Variants in ZNF821 observed in about 807,000 individuals in gnomAD.
ZNF821 encodes the protein zinc finger protein 821.
A neutral mutation model predicts 44.3 loss-of-function variants in ZNF821; 16 were observed. The ratio of observed to expected loss-of-function variants is 0.36; its 90% CI spans 0.24 to 0.55. ZNF821 has a LOEUF of 0.55. ZNF821 is among the 20% of genes least tolerant of loss of function. ZNF821 has a pLI of 0.86. For missense variants in ZNF821, 436 were observed against 547.6 expected (o/e 0.80, Z 2.03); for synonymous variants, 204 against 197.6 (o/e 1.03, Z -0.27).
intron 2 of ZNF821, 42 bp from the exon 3 acceptor site, chr16:71,880,065 C>T: frequency 2.2e-6 from 2 of 895,372 alleles, no homozygotes; most frequent in East Asian, 2.8e-5. Flanking sequence ...TCATTTTCCC[C>T]AGCAGTTACA....
chr16:71,876,612 T>C (rs2035848193), intron 3 of ZNF821, among the ~76,000 whole-genome samples: 1 of 152,106 alleles, frequency 6.6e-6, no homozygotes, highest in Non-Finnish European at 1.5e-5. Context: ...CTTTTTTTGT[T>C]TTTGGAGACA....
chr16:71,863,719 A>G (rs1486258973), intron 6 of ZNF821, among the ~76,000 whole-genome samples: 1 of 150,922 alleles, frequency 6.6e-6, no homozygotes, highest in African/African-American at 2.4e-5. Context: ...TCTTTTTGAG[A>G]CAGAGTCTAA....
intron 2 of ZNF821, among the ~76,000 whole-genome samples, chr16:71,881,070 A>G (rs938281514): frequency 1.3e-5 from 2 of 152,208 alleles, no homozygotes; most frequent in Non-Finnish European, 2.9e-5. Context: ...CTTTCCTACC[A>G]AAGACAGGAA....
At position 71,860,515 on chromosome 16, in the gene ZNF821, G is replaced by T. The variant is rs2033724827; in HGVS notation, c.742C>A (p.Leu248Met). The T allele has an allele frequency of 6.8e-6, 11 of 1,614,160 alleles. No homozygotes were observed. The highest frequency in any genetic ancestry group is 9.3e-6 in the Non-Finnish European group (11 of 1,180,024). The part of the protein sequence containing the change: ...CNNCAAYRKL[L>M]EAQTPSVRKW... The stretch of plus-strand genomic sequence containing the variant: ...CGTACACTGGGAGTCTGGGCTTCCA[G>T]CAGTTTACGGTAGGCAGCACAGTTG... Residue 248 changes from leucine to methionine, a missense_variant, in exon 8 of 8, where the codon CTG becomes ATG. Around this residue, in one of 5 missense-constraint regions of ZNF821, gnomAD observed 68 missense variants for 57.0 expected, o/e 1.19. Coordinates refer to ENST00000425432, the MANE Select transcript of ZNF821 (RefSeq NM_001201552.2). This position sits in a 1 kb window ranked among gnomAD's most constrained non-coding sequence, Gnocchi z 7.3.
intron 3 of ZNF821, among the ~76,000 whole-genome samples, chr16:71,877,261 GTTTT>G (rs1467477444): frequency 6.6e-6 from 1 of 151,828 alleles, no homozygotes; most frequent in Non-Finnish European, 1.5e-5. Flanking sequence ...TAGTTTTTTG[GTTTT>G]TGTTTGTTTG....
At chr16:71,893,508 G>A (rs35989134) in intron 1 of ZNF821, among the ~76,000 whole-genome samples, 12,345 of 150,970 alleles carry the variant, frequency 0.082, 691 homozygotes, top group Middle Eastern at 0.14. Context: ...TGCCCAGGCT[G>A]GAGTGCAGTG....
chr16:71,894,734 C>G (rs2036928927), intron 1 of ZNF821: 5 of 566,404 alleles, frequency 8.8e-6, no homozygotes, highest in Non-Finnish European at 1.5e-5. Flanking sequence ...TGCGGTTTCA[C>G]TATGGTGTCC....
intron 3 of ZNF821, among the ~76,000 whole-genome samples, chr16:71,876,984 A>T (rs956756702): frequency 6.6e-6 from 1 of 152,036 alleles, no homozygotes; most frequent in Non-Finnish European, 1.5e-5. Context: ...GCAATTTCTA[A>T]ATCTTCCCTA....
At chr16:71,877,310 G>C (rs372082871) in intron 3 of ZNF821, among the ~76,000 whole-genome samples, 11 of 152,216 alleles carry the variant, frequency 7.2e-5, no homozygotes, top group African/African-American at 2.6e-4. Context: ...ACCCAGACTG[G>C]AGTGCAGTGG....
At chr16:71,872,902 C>T (rs1337782847) in intron 3 of ZNF821, among the ~76,000 whole-genome samples, 2 of 152,228 alleles carry the variant, frequency 1.3e-5, no homozygotes, top group Non-Finnish European at 2.9e-5. Flanking sequence ...GTTTTACAAT[C>T]TGAAAGCAAA....
At chr16:71,866,359 T>C (rs923755086) in intron 4 of ZNF821, among the ~76,000 whole-genome samples, 2 of 152,218 alleles carry the variant, frequency 1.3e-5, no homozygotes, top group South Asian at 4.1e-4. Flanking sequence ...TGTGTCCTTA[T>C]TAGATAAATA....
At chr16:71,888,194 T>C (rs553537103), upstream of ZNF821, among the ~76,000 whole-genome samples, 1 of 152,324 alleles carries the variant, frequency 6.6e-6, no homozygotes, top group East Asian at 1.9e-4. Context: ...TATTTTTATT[T>C]ATTTGGTATC....
intron 6 of ZNF821, among the ~76,000 whole-genome samples, chr16:71,863,355 A>G (rs1005562125): frequency 2.0e-5 from 3 of 150,750 alleles, no homozygotes; most frequent in African/African-American, 7.3e-5. Context: ...TTTATCTAAT[A>G]TATCTCATTT....
chr16:71,894,913 G>T, exon 1 of ZNF821: 5 of 1,234,002 alleles, frequency 4.1e-6, no homozygotes, highest in Non-Finnish European at 5.7e-6. Flanking sequence ...GAAATCGCCA[G>T]AGACTGTGGT....
At chr16:71,875,917 C>G (rs182384161) in intron 3 of ZNF821, among the ~76,000 whole-genome samples, 1 of 152,292 alleles carries the variant, frequency 6.6e-6, no homozygotes, top group African/African-American at 2.4e-5. Context: ...TTTTTCAACT[C>G]CATTAATAGC....
At chr16:71,889,041 T>C (rs118034653), upstream of ZNF821, among the ~76,000 whole-genome samples, 17,571 of 152,166 alleles carry the variant, frequency 0.12, 1,263 homozygotes, top group Non-Finnish European at 0.15. Flanking sequence ...GGCCAGGAGT[T>C]TGAGACCAGT....
intron 3 of ZNF821, among the ~76,000 whole-genome samples, chr16:71,871,117 G>A (rs1233999347): frequency 6.6e-6 from 1 of 152,138 alleles, no homozygotes; most frequent in Non-Finnish European, 1.5e-5. Flanking sequence ...TATTGATGTT[G>A]TCTAAATATT....
Position 71,860,133 on chromosome 16 carries a change from G to GC in ZNF821, c.1123dup (p.Ala375GlyfsTer6). On this transcript the variant is annotated frameshift_variant, in exon 8 of 8. Transcript: ENST00000425432. LOFTEE classifies it high-confidence loss of function. This position sits in a 1 kb window ranked among gnomAD's most constrained non-coding sequence, Gnocchi z 7.3. ...GAAGTTCATTTCAGCTGCTAAGGCT[G>GC]CCATGGCAGAAGGGTCCTGGCCAAA... The GC allele has an allele frequency of 1.2e-6, 2 of 1,614,232 alleles. No individual in the cohort carries two copies. The highest frequency in any genetic ancestry group is 1.7e-6 in the Non-Finnish European group (2 of 1,180,038).
Position 71,860,599 on chromosome 16 carries a change from C to T in ZNF821, c.658G>A (p.Gly220Arg), listed in dbSNP as rs561718201. 22 of 1,614,138 alleles carry T rather than the reference C, an allele frequency of 1.4e-5. No individual in the cohort carries two copies. Among genetic ancestry groups the T allele is most frequent in the Non-Finnish European group, 1.9e-5 (22 of 1,180,040 alleles). The part of the protein sequence containing the change: ...VHNEGPSSAE[G>R]KDIAFSPPVY... Reference sequence around the variant, plus strand: ...GGAGGACTAAAGGCAATATCCTTCCCCTCAGCACTGGAGGGACCCTCATTG... The same window carrying T: ...GGAGGACTAAAGGCAATATCCTTCCTCTCAGCACTGGAGGGACCCTCATTG... The change falls in exon 8 of 8, where the codon GGG becomes AGG. Residue 220 changes from glycine (G) to arginine (R), a missense_variant. Gly to Arg is a moderately radical substitution (Grantham distance 125, BLOSUM62 -2). Transcript: ENST00000425432. The surrounding 1 kb of genome is among the most constrained non-coding windows in gnomAD (Gnocchi z 7.3).
Sources: gnomAD v4.1 joint callset for allele counts (sites outside exome capture counted in the v4.1 genomes callset) on GRCh38, gnomAD v4.1.1 for gene constraint, gnomAD v4.1.1 regional missense constraint, Gnocchi (gnomAD v3.1) non-coding constraint, MANE v1.5 for transcripts, NCBI Gene and HGNC (gene_info 2026-07-23, HGNC 2026-07-21) for gene names.